CAMKMT: variants seen among roughly 807,000 people sequenced by gnomAD.
The protein encoded by CAMKMT is calmodulin-lysine N-methyltransferase.
CAMKMT carries 53 observed loss-of-function variants against 48.0 expected under a neutral mutation model. That is an observed-to-expected ratio of 1.10 (90% CI 0.89 to 1.39). The LOEUF (loss-of-function observed/expected upper bound fraction) is 1.39. Ranked by LOEUF, CAMKMT falls within the 40% of genes most tolerant of loss-of-function variation. CAMKMT has a pLI of 0.00. For missense variants in CAMKMT, 428 were observed against 402.7 expected, an observed-to-expected ratio of 1.06 and a Z score of -0.54; for synonymous variants, 165 against 152.3, an observed-to-expected ratio of 1.08 and a Z score of -0.61.
chr2:44,701,056 G>A (rs945115994), intron 3 of CAMKMT, among the ~76,000 whole-genome samples: 3 of 152,178 alleles, frequency 2.0e-5, no homozygotes, highest in African/African-American at 7.2e-5. Context: ...GGACATTGGG[G>A]TTGTTTCCAC....
At chr2:44,379,505 G>A (rs917777748) in intron 2 of CAMKMT, among the ~76,000 whole-genome samples, 4 of 152,126 alleles carry the variant, frequency 2.6e-5, no homozygotes, top group Non-Finnish European at 5.9e-5. Flanking sequence ...TCATAGGGCT[G>A]TACCATTTTA....
intron 3 of CAMKMT, among the ~76,000 whole-genome samples, chr2:44,671,358 T>G (rs1183620393): frequency 6.6e-6 from 1 of 152,182 alleles, no homozygotes; most frequent in Non-Finnish European, 1.5e-5. Context: ...TCAAACATCT[T>G]AATAATAAAG....
chr2:44,681,846 A>G (rs1676035181), intron 3 of CAMKMT, among the ~76,000 whole-genome samples: 1 of 152,200 alleles, frequency 6.6e-6, no homozygotes, highest in South Asian at 2.1e-4. Flanking sequence ...TTTCATTTTA[A>G]AGCATATCTG....
At chr2:44,459,900 A>G (rs1325099175) in intron 3 of CAMKMT, among the ~76,000 whole-genome samples, 1 of 152,208 alleles carries the variant, frequency 6.6e-6, no homozygotes. Context: ...GATGGTAGTT[A>G]TGCTGAGCAC....
chr2:44,550,494 T>C, intron 3 of CAMKMT, among the ~76,000 whole-genome samples: 1 of 152,140 alleles, frequency 6.6e-6, no homozygotes, highest in African/African-American at 2.4e-5. Context: ...AGATGAATAG[T>C]AAAGGAATTA....
At position 44,744,620 on chromosome 2, in the gene CAMKMT, G is replaced by A. The variant is rs144470988; in HGVS notation, c.698+924G>A. ...TAAGTTCAGATTCTGAAGAAGTTCT[G>A]TTATATTGATAAGGCCAATCATAAG... On this transcript the variant is annotated intron_variant, in intron 8 of 10. Transcript: ENST00000378494. Among the ~76,000 whole-genome samples the A allele has an allele frequency of 2.8e-3, 420 of 152,206 alleles. 1 individual carries two copies. The highest frequency in any genetic ancestry group is 7.1e-3 in the East Asian group (37 of 5,176).
At chr2:44,522,127 C>T (rs1161909481) in intron 3 of CAMKMT, among the ~76,000 whole-genome samples, 1 of 151,912 alleles carries the variant, frequency 6.6e-6, no homozygotes, top group African/African-American at 2.4e-5. Context: ...CCTCAGCCTG[C>T]CGAGTAGCTG....
At chr2:44,766,991 A>G (rs146941250) in intron 10 of CAMKMT, among the ~76,000 whole-genome samples, 4,004 of 152,308 alleles carry the variant, frequency 0.026, 87 homozygotes, top group Non-Finnish European at 0.038. Flanking sequence ...CTTGCTTTAT[A>G]GCTGGGTCAG....
At chr2:44,646,023 C>T (rs1673711213) in intron 3 of CAMKMT, among the ~76,000 whole-genome samples, 1 of 152,138 alleles carries the variant, frequency 6.6e-6, no homozygotes, top group Non-Finnish European at 1.5e-5. Flanking sequence ...CATGTGTTCC[C>T]ATTGCATGTT....
chr2:44,466,979 G>A lies in CAMKMT; in HGVS notation c.376+76674G>A, dbSNP rs529834274. On this transcript the variant is annotated intron_variant, in intron 3 of 10. Transcript: ENST00000378494. Reference sequence around the variant, plus strand: ...TAAGAAATAAAAATAGGCCAGTCACGGTGGCTCACACCTGTAATCCCAGCA... The same window carrying A: ...TAAGAAATAAAAATAGGCCAGTCACAGTGGCTCACACCTGTAATCCCAGCA... Among the ~76,000 whole-genome samples, 80 of 152,290 alleles carry A rather than the reference G, an allele frequency of 5.3e-4. 1 individual carries two copies. The highest frequency in any genetic ancestry group is 1.8e-3 in the African/African-American group (75 of 41,550).
chr2:44,403,297 C>T (rs1400366689), intron 3 of CAMKMT, among the ~76,000 whole-genome samples: 1 of 152,126 alleles, frequency 6.6e-6, no homozygotes, highest in Non-Finnish European at 1.5e-5. Flanking sequence ...ACTCCACCCC[C>T]AATTAAAAAG....
intron 3 of CAMKMT, among the ~76,000 whole-genome samples, chr2:44,656,073 A>G (rs749587330): frequency 2.0e-5 from 3 of 152,224 alleles, no homozygotes; most frequent in Non-Finnish European, 4.4e-5. Flanking sequence ...TTAATGAGTG[A>G]AAAGAGATTA....
intron 2 of CAMKMT, among the ~76,000 whole-genome samples, chr2:44,388,789 C>T (rs568789910): frequency 9.2e-5 from 14 of 152,176 alleles, no homozygotes; most frequent in Admixed American, 5.9e-4. Context: ...TTCTAGCTAC[C>T]CAGTGAGTCT....
At chr2:44,455,111 A>C (rs1667490174) in intron 3 of CAMKMT, among the ~76,000 whole-genome samples, 1 of 152,196 alleles carries the variant, frequency 6.6e-6, no homozygotes, top group South Asian at 2.1e-4. Context: ...TTGATCTCAG[A>C]ATAACTTGAG....
intron 3 of CAMKMT, among the ~76,000 whole-genome samples, chr2:44,535,813 T>A (rs924479324): frequency 6.6e-6 from 1 of 152,178 alleles, no homozygotes; most frequent in Non-Finnish European, 1.5e-5. Context: ...AATCCTTTCC[T>A]GTAAGAACTA....
chr2:44,735,897 CAAACAAAACA>C (rs57656418), intron 7 of CAMKMT, among the ~76,000 whole-genome samples: 16,924 of 149,742 alleles, frequency 0.11, 1,081 homozygotes, highest in Non-Finnish European at 0.14. Context: ...TGCTCTGTCT[CAAACAAAACA>C]AAACAAAACA....
At chr2:44,522,200 T>A (rs72879388) in intron 3 of CAMKMT, among the ~76,000 whole-genome samples, 6,228 of 151,830 alleles carry the variant, frequency 0.041, 387 homozygotes, top group African/African-American at 0.13. Context: ...AGAGATGGGG[T>A]TTCACTGTAT....
At chr2:44,642,165 G>A (rs1673484491) in intron 3 of CAMKMT, among the ~76,000 whole-genome samples, 1 of 152,194 alleles carries the variant, frequency 6.6e-6, no homozygotes, top group East Asian at 1.9e-4. Context: ...GAAACTATTT[G>A]TAAAGGAAGA....
At chr2:44,556,296 A>C (rs1239105345) in intron 3 of CAMKMT, among the ~76,000 whole-genome samples, 2 of 151,234 alleles carry the variant, frequency 1.3e-5, no homozygotes, top group Non-Finnish European at 1.5e-5. Context: ...CTGCCACCAC[A>C]CCTGGCTAAT....
Sources: gnomAD v4.1 joint callset for allele counts (sites outside exome capture counted in the v4.1 genomes callset) on GRCh38, gnomAD v4.1.1 for gene constraint, MANE v1.5 for transcripts, NCBI Gene and HGNC (gene_info 2026-07-23, HGNC 2026-07-21) for gene names.